Variants in MAPT observed in about 807,000 individuals in gnomAD.
MAPT encodes the protein microtubule associated protein tau, also known as microtubule-associated protein tau.
In MAPT, 34 loss-of-function variants were observed where a neutral mutation model predicts 67.9. That is an observed-to-expected ratio of 0.50 (90% confidence interval 0.38 to 0.67). MAPT has a LOEUF of 0.67. Ranked by LOEUF, MAPT falls within the 30% of genes least tolerant of loss-of-function variation. MAPT has a pLI of 0.00. For missense variants in MAPT, 881 were observed against 1,115.2 expected (o/e 0.79, Z 2.99); for synonymous variants, 456 against 464.5 (o/e 0.98, Z 0.23).
chr17:45,908,556 C>G lies in MAPT; in HGVS notation c.-18+13870C>G, dbSNP rs548214046. On this transcript the variant is annotated intron_variant, in intron 1 of 12. Coordinates refer to ENST00000262410, the MANE Select transcript of MAPT (RefSeq NM_001377265.1). ...CTGATCCCCCTTCCTCAAAAATCCA[C>G]TTTACTTTCCCCATGTCTACACCAA... is the stretch of plus-strand genomic sequence containing the variant. Among the ~76,000 whole-genome samples the G allele has an allele frequency of 2.0e-5, 3 of 152,322 alleles. No individual in the cohort carries two copies. In the South Asian group the frequency reaches 6.2e-4, roughly 32 times the overall value.
chr17:45,894,913 G>T (rs1381707610), intron 1 of MAPT: 1 of 152,468 alleles, frequency 6.6e-6, no homozygotes, highest in African/African-American at 2.4e-5. Context: ...GCGTGTGTGT[G>T]TGCTGGAGGG....
At chr17:45,964,505 C>T (rs2070828760) in intron 2 of MAPT, among the ~76,000 whole-genome samples, 1 of 151,738 alleles carries the variant, frequency 6.6e-6, no homozygotes, top group African/African-American at 2.4e-5. Context: ...CATAGTGAGA[C>T]CTCGTCTCTA....
chr17:46,004,884 T>C (rs552718669), intron 9 of MAPT, among the ~76,000 whole-genome samples: 2 of 152,300 alleles, frequency 1.3e-5, no homozygotes, highest in South Asian at 2.1e-4. Context: ...CCCGGGTTCA[T>C]GCTATTCTCC....
chr17:45,947,491 A>G (rs2068627119), intron 1 of MAPT, among the ~76,000 whole-genome samples: 1 of 149,388 alleles, frequency 6.7e-6, no homozygotes, highest in Non-Finnish European at 1.5e-5. Flanking sequence ...GGGTTTAAGC[A>G]ATTCTCCTGC....
chr17:45,922,178 A>G (rs1288407776), intron 1 of MAPT, among the ~76,000 whole-genome samples: 1 of 151,894 alleles, frequency 6.6e-6, no homozygotes, highest in Non-Finnish European at 1.5e-5. Context: ...ACACCTGGCT[A>G]ATTTTTGTGT....
intron 2 of MAPT, among the ~76,000 whole-genome samples, chr17:45,967,365 G>A (rs1376017253): frequency 1.3e-5 from 2 of 152,196 alleles, no homozygotes; most frequent in Non-Finnish European, 2.9e-5. Flanking sequence ...TGGGGAAAGG[G>A]GGACCATCAT....
chr17:45,984,039 G>A (rs1049625997), intron 5 of MAPT, 109 bp downstream of exon 5: 4 of 962,986 alleles, frequency 4.2e-6, no homozygotes, highest in East Asian at 2.4e-5. Context: ...TGCTTCTGAC[G>A]TTCCTAGGAC....
rs778511044 is a variant in MAPT, at chr17:45,983,502, C to T, written c.923C>T (p.Pro308Leu). 29 of 1,612,386 alleles carry T rather than the reference C, an allele frequency of 1.8e-5. No homozygotes were observed. Among genetic ancestry groups the T allele is most frequent in the Non-Finnish European group, 2.4e-5 (28 of 1,179,594 alleles). The change falls in exon 5 of 13, where the codon CCT (proline) becomes CTT (leucine). Residue 308 changes from proline (P) to leucine (L), a missense_variant. Physicochemically the swap from Pro to Leu is moderately conservative, Grantham distance 98. Coordinates refer to ENST00000262410, the MANE Select transcript of MAPT (RefSeq NM_001377265.1). ...GATGAGTCCTCCCCCCAAGACTCCC[C>T]TCCCTCCAAGGCCTCCCCAGCCCAA... ...DVDESSPQDS[P>L]PSKASPAQDG... is the part of the protein sequence containing the mutation.
intron 1 of MAPT, among the ~76,000 whole-genome samples, chr17:45,902,696 C>A (rs2143816798): frequency 6.6e-6 from 1 of 152,318 alleles, no homozygotes; most frequent in African/African-American, 2.4e-5. Context: ...AGGGTAAAAT[C>A]CTCCTCAACA....
At chr17:45,982,818 T>G in intron 4 of MAPT, 48 bp from the exon 5 acceptor site, 2 of 1,088,458 alleles carry the variant, frequency 1.8e-6, no homozygotes, top group Non-Finnish European at 1.1e-6. Flanking sequence ...TCTTAAGCGA[T>G]TAATGCGCCC....
intron 2 of MAPT, among the ~76,000 whole-genome samples, chr17:45,965,923 T>C (rs1416503801): frequency 1.3e-5 from 2 of 152,180 alleles, no homozygotes; most frequent in Admixed American, 1.3e-4. Flanking sequence ...CAAAGGAGCC[T>C]CATGCTCAGA....
intron 1 of MAPT, among the ~76,000 whole-genome samples, chr17:45,932,801 G>A (rs903946638): frequency 2.0e-5 from 3 of 152,098 alleles, no homozygotes; most frequent in African/African-American, 7.2e-5. Context: ...CTTAGACAGG[G>A]CCGGGTGCAG....
intron 1 of MAPT, among the ~76,000 whole-genome samples, chr17:45,927,090 T>C (rs960556344): frequency 6.6e-6 from 1 of 151,664 alleles, no homozygotes; most frequent in African/African-American, 2.4e-5. Context: ...GATTGGTGAG[T>C]CTAGGTGAAG....
At position 45,915,204 on chromosome 17, in the gene MAPT, G is replaced by A. The variant is rs1357669077; in HGVS notation, c.-18+20518G>A. 6.6e-6 allele frequency among the ~76,000 whole-genome samples: 1 copy of A among 152,052 alleles called. No homozygotes were observed. The highest frequency in any genetic ancestry group is 1.5e-5 in the Non-Finnish European group (1 of 68,000). On this transcript the variant is annotated intron_variant, in intron 1 of 12. Coordinates refer to ENST00000262410, the MANE Select transcript of MAPT (RefSeq NM_001377265.1). The surrounding 1 kb of genome is among the most constrained non-coding windows in gnomAD (Gnocchi z 4.4). ...CCTGTCATGTTAGAGACTGGAGTGCGTGTGTGTGCGCGCAAAGTGTGGGGG... is the reference window on the plus strand; with the variant it reads ...CCTGTCATGTTAGAGACTGGAGTGCATGTGTGTGCGCGCAAAGTGTGGGGG...
At chr17:45,944,689 T>A (rs958513621) in intron 1 of MAPT, among the ~76,000 whole-genome samples, 3 of 152,164 alleles carry the variant, frequency 2.0e-5, no homozygotes, top group Admixed American at 2.0e-4. Flanking sequence ...GCCTAGGAGC[T>A]GGTTATCATT....
In MAPT at chr17:45,987,090, G is replaced by A; in HGVS notation, c.1402G>A (p.Ala468Thr). The A allele has an allele frequency of 6.2e-7, 1 of 1,614,050 alleles. No individual in the cohort carries two copies. The highest frequency in any genetic ancestry group is 8.5e-7 in the Non-Finnish European group (1 of 1,179,960). The part of the protein sequence containing the change: ...KDGTGSDDKK[A>T]KTSTRSSAKT... ...CGGGACTGGAAGCGATGACAAAAAAGCCAAGGTAAGCTGACGATGCCACGG... is the reference window on the plus strand; with the variant it reads ...CGGGACTGGAAGCGATGACAAAAAAACCAAGGTAAGCTGACGATGCCACGG... The change falls in exon 6 of 13, where the codon GCC (alanine) becomes ACC (threonine). Residue 468 changes from alanine (A) to threonine (T), a missense_variant. Ala to Thr is a moderately conservative substitution (Grantham distance 58, BLOSUM62 0). Coordinates refer to ENST00000262410, the MANE Select transcript of MAPT (RefSeq NM_001377265.1).
rs200089666 is a variant in MAPT at position 45,983,273 on chromosome 17, C to A, written c.694C>A (p.Pro232Thr). ...GCTCATGTCCGGCATGCCTGGGGCT[C>A]CCCTCCTGCCTGAGGGCCCCAGAGA... The part of the protein sequence containing the change: ...HQLMSGMPGA[P>T]LLPEGPREAT... Residue 232 changes from proline to threonine, a missense_variant, in exon 5 of 13, where the codon CCC becomes ACC. Physicochemically the swap from Pro to Thr is conservative, Grantham distance 38. Coordinates refer to ENST00000262410, the MANE Select transcript of MAPT (RefSeq NM_001377265.1). 1 of 1,598,730 alleles carries A rather than the reference C, an allele frequency of 6.3e-7. No individual in the cohort carries two copies. Among genetic ancestry groups the A allele is most frequent in the African/African-American group, 1.3e-5 (1 of 74,836 alleles).
Position 45,942,829 on chromosome 17 carries a change from C to T in MAPT, c.-17-19492C>T, listed in dbSNP as rs1285779404. Among the ~76,000 whole-genome samples, 8 of 152,190 alleles carry T rather than the reference C, an allele frequency of 5.3e-5. 1 individual carries two copies. The highest frequency in any genetic ancestry group is 4.1e-4 in the South Asian group (2 of 4,822). The stretch of plus-strand genomic sequence containing the variant: ...TGACATGTATTAACTCACCTAATCC[C>T]CACATTTTACAGACAATGCAAAGGA... On this transcript the variant is annotated intron_variant, in intron 1 of 12. Coordinates refer to ENST00000262410, the MANE Select transcript of MAPT (RefSeq NM_001377265.1).
intron 4 of MAPT, chr17:45,979,047 A>G (rs1468795341): frequency 6.6e-6 from 1 of 152,374 alleles, no homozygotes; most frequent in South Asian, 2.1e-4. Flanking sequence ...GGCGATTCTC[A>G]CTGCAGGCTG....
Sources: gnomAD v4.1 joint callset for allele counts (sites outside exome capture counted in the v4.1 genomes callset) on GRCh38, gnomAD v4.1.1 for gene constraint, Gnocchi (gnomAD v3.1) non-coding constraint, MANE v1.5 for transcripts, NCBI Gene and HGNC (gene_info 2026-07-23, HGNC 2026-07-21) for gene names.